Variants in NRXN3 observed in about 807,000 individuals in gnomAD.
NRXN3 encodes neurexin III.
In NRXN3, 32 loss-of-function variants were observed where a neutral mutation model predicts 137.6. The ratio of observed to expected loss-of-function variants is 0.23; its 90% CI spans 0.18 to 0.31. The LOEUF (loss-of-function observed/expected upper bound fraction) is 0.31, where lower values mean the gene tolerates loss of function less well. Ranked by LOEUF, NRXN3 falls within the 10% of genes least tolerant of loss-of-function variation. The pLI is 1.00. For missense variants in NRXN3, 1,574 were observed against 2,062.5 expected (o/e 0.76, Z 4.59); for synonymous variants, 798 against 784.5 (o/e 1.02, Z -0.29).
chr14:79,590,416 T>TAAAAAA (rs11419735), intron 16 of NRXN3, among the ~76,000 whole-genome samples: 7,128 of 91,980 alleles, frequency 0.077, 479 homozygotes, highest in African/African-American at 0.1. Flanking sequence ...TTTCTTTTGT[T>TAAAAAA]AAAAAAAAAA....
At chr14:78,578,014 A>G (rs753539437) in intron 4 of NRXN3, among the ~76,000 whole-genome samples, 1 of 152,172 alleles carries the variant, frequency 6.6e-6, no homozygotes, top group Non-Finnish European at 1.5e-5. Flanking sequence ...TGTTTTTTAA[A>G]TGATTGAGTC....
intron 1 of NRXN3, among the ~76,000 whole-genome samples, chr14:78,197,344 T>C (rs1164149901): frequency 1.3e-5 from 2 of 152,220 alleles, no homozygotes; most frequent in Admixed American, 6.5e-5. Context: ...TCCCTCCTTC[T>C]TGCTTCTCTG....
chr14:79,292,220 A>T (rs2083318114), intron 15 of NRXN3, among the ~76,000 whole-genome samples: 1 of 152,222 alleles, frequency 6.6e-6, no homozygotes, highest in African/African-American at 2.4e-5. Flanking sequence ...TTTTCAAAAC[A>T]GCCTTTGGAA....
chr14:79,136,867 C>T (rs2058283353), intron 15 of NRXN3, among the ~76,000 whole-genome samples: 1 of 152,204 alleles, frequency 6.6e-6, no homozygotes, highest in African/African-American at 2.4e-5. Context: ...AAAGCTTAGT[C>T]ATCCATACTT....
chr14:78,594,830 G>A (rs1420693725), intron 4 of NRXN3, among the ~76,000 whole-genome samples: 1 of 152,118 alleles, frequency 6.6e-6, no homozygotes, highest in Non-Finnish European at 1.5e-5. Flanking sequence ...AATCACAGTT[G>A]GTTCCCCATG....
intron 2 of NRXN3, among the ~76,000 whole-genome samples, chr14:78,261,155 C>T (rs2070650686): frequency 6.6e-6 from 1 of 152,168 alleles, no homozygotes; most frequent in African/African-American, 2.4e-5. Flanking sequence ...TTCAATCTGG[C>T]ATTGAATGGG....
chr14:78,970,682 C>T (rs1032991397), intron 14 of NRXN3, among the ~76,000 whole-genome samples: 2 of 152,138 alleles, frequency 1.3e-5, no homozygotes, highest in Admixed American at 6.5e-5. Flanking sequence ...AGAGCATCAG[C>T]AAAAAGAAAT....
chr14:79,420,929 T>C (rs2095567199), intron 15 of NRXN3, among the ~76,000 whole-genome samples: 2 of 152,090 alleles, frequency 1.3e-5, no homozygotes, highest in Admixed American at 1.3e-4. Flanking sequence ...GAACAAATAT[T>C]AACTGAGTGC....
intron 3 of NRXN3, among the ~76,000 whole-genome samples, chr14:78,292,445 G>A (rs560278828): frequency 6.4e-4 from 98 of 152,262 alleles, no homozygotes; most frequent in Non-Finnish European, 1.2e-3. Flanking sequence ...CCACAGATAG[G>A]CAGGTACAAG....
intron 4 of NRXN3, among the ~76,000 whole-genome samples, chr14:78,414,611 G>T (rs747119198): frequency 7.9e-4 from 121 of 152,228 alleles, no homozygotes; most frequent in Non-Finnish European, 1.2e-3. Flanking sequence ...GGATTTACTT[G>T]TATTACCAGA....
At chr14:78,991,988 G>C (rs1400755093) in intron 15 of NRXN3, among the ~76,000 whole-genome samples, 1 of 152,182 alleles carries the variant, frequency 6.6e-6, no homozygotes, top group African/African-American at 2.4e-5. Context: ...AAACATAGCT[G>C]TGCAAAGCTG....
chr14:79,556,510 C>T (rs959202239), intron 16 of NRXN3, among the ~76,000 whole-genome samples: 6 of 152,116 alleles, frequency 3.9e-5, no homozygotes, highest in African/African-American at 1.2e-4. Context: ...CTTTTTCCCA[C>T]TCCCCTTGAC....
intron 4 of NRXN3, among the ~76,000 whole-genome samples, chr14:78,562,164 C>T (rs758878155): frequency 1.9e-4 from 29 of 151,832 alleles, no homozygotes; most frequent in African/African-American, 6.5e-4. Flanking sequence ...TTTGGGAGGC[C>T]GAGGTGGGTG....
chr14:78,886,498 T>G (rs1276891772), intron 10 of NRXN3, among the ~76,000 whole-genome samples: 1 of 152,112 alleles, frequency 6.6e-6, no homozygotes, highest in Non-Finnish European at 1.5e-5. Context: ...TTCTTTTATA[T>G]CTCTTTCTTT....
intron 15 of NRXN3, among the ~76,000 whole-genome samples, chr14:79,391,767 GC>G (rs2153473932): frequency 1.3e-5 from 2 of 152,230 alleles, no homozygotes; most frequent in East Asian, 3.9e-4. Context: ...CTAATAACTT[GC>G]CATGAAATTG....
At chr14:79,553,856 T>C (rs918638906) in intron 16 of NRXN3, among the ~76,000 whole-genome samples, 1 of 152,170 alleles carries the variant, frequency 6.6e-6, no homozygotes, top group Non-Finnish European at 1.5e-5. Flanking sequence ...TTTATCTTTG[T>C]TTTTACAATC....
chr14:79,239,284 G>A (rs2073914259), intron 15 of NRXN3, among the ~76,000 whole-genome samples: 2 of 152,064 alleles, frequency 1.3e-5, no homozygotes, highest in South Asian at 4.1e-4. Flanking sequence ...GGTTGAACAA[G>A]GGTAACTGAA....
At chr14:78,756,512 G>A (rs1418461295) in intron 8 of NRXN3, among the ~76,000 whole-genome samples, 3 of 142,566 alleles carry the variant, frequency 2.1e-5, no homozygotes, top group African/African-American at 8.0e-5. Context: ...GATCGCCCAA[G>A]CTCAGCCTGG....
At chr14:78,784,841 CTG>C (rs2098783654) in intron 8 of NRXN3, among the ~76,000 whole-genome samples, 1 of 152,166 alleles carries the variant, frequency 6.6e-6, no homozygotes, top group African/African-American at 2.4e-5. Context: ...AGAAGATAGA[CTG>C]AGAACATTTT....
Sources: gnomAD v4.1 joint callset for allele counts (sites outside exome capture counted in the v4.1 genomes callset) on GRCh38, gnomAD v4.1.1 for gene constraint, MANE v1.5 for transcripts, NCBI Gene and HGNC (gene_info 2026-07-23, HGNC 2026-07-21) for gene names.